Variants in PLA1A observed in about 807,000 individuals in gnomAD.
The protein encoded by PLA1A is phospholipase A1 member A, also known as phosphatidylserine-specific phospholipase A1alpha.
In PLA1A, 47 loss-of-function variants were observed where a neutral mutation model predicts 49.4. The ratio of observed to expected loss-of-function variants is 0.95; its 90% CI spans 0.75 to 1.21. The LOEUF is 1.21. Among genes scored for constraint, PLA1A ranks in the 50% most tolerant of loss-of-function variants. The pLI is 0.00. For synonymous variants in PLA1A, 224 were observed against 207.9 expected (o/e 1.08, Z -0.67); for missense variants, 561 against 563.9 (o/e 0.99, Z 0.05).
At chr3:119,601,188 AT>A (rs1275858601) in intron 1 of PLA1A, among the ~76,000 whole-genome samples, 1 of 152,234 alleles carries the variant, frequency 6.6e-6, no homozygotes, top group Non-Finnish European at 1.5e-5. Context: ...TTTTAGCAAA[AT>A]AACACTTCTA....
intron 1 of PLA1A, among the ~76,000 whole-genome samples, chr3:119,601,090 T>A (rs1283190973): frequency 6.6e-6 from 1 of 152,248 alleles, no homozygotes; most frequent in African/African-American, 2.4e-5. Flanking sequence ...CCACATTTGA[T>A]AACAAAGTGT....
chr3:119,607,289 C>T (rs1251745750), intron 2 of PLA1A, among the ~76,000 whole-genome samples: 1 of 152,210 alleles, frequency 6.6e-6, no homozygotes, highest in Non-Finnish European at 1.5e-5. Context: ...TTCACTTCTT[C>T]CTTGGTTTTA....
intron 1 of PLA1A, among the ~76,000 whole-genome samples, chr3:119,604,117 C>A (rs531080285): frequency 4.6e-5 from 7 of 152,124 alleles, no homozygotes; most frequent in Non-Finnish European, 8.8e-5. Flanking sequence ...CCATACATTC[C>A]TTAAAAGGTT....
intron 4 of PLA1A, among the ~76,000 whole-genome samples, chr3:119,610,585 G>A (rs546767583): frequency 6.6e-6 from 1 of 152,258 alleles, no homozygotes; most frequent in East Asian, 1.9e-4. Context: ...TTTTTCAAAT[G>A]TTTGTTAGCC....
intron 5 of PLA1A, among the ~76,000 whole-genome samples, chr3:119,614,928 C>A (rs559298794): frequency 1.3e-5 from 2 of 151,924 alleles, no homozygotes; most frequent in Non-Finnish European, 2.9e-5. Context: ...AGTAGGGGTC[C>A]GGGTGAGAGA....
intron 5 of PLA1A, 134 bp from the exon 6 acceptor site, chr3:119,615,878 T>A (rs2082840760): frequency 1.6e-6 from 1 of 636,580 alleles, no homozygotes; most frequent in Non-Finnish European, 2.9e-6. Flanking sequence ...GTCTGAGGGC[T>A]CATCCTGTGA....
intron 5 of PLA1A, 90 bp downstream of exon 5, chr3:119,613,208 A>G: frequency 1.3e-6 from 1 of 798,594 alleles, no homozygotes; most frequent in Non-Finnish European, 2.1e-6. Context: ...CTGGGCAGAG[A>G]TGCCCTGACC....
At chr3:119,608,283 A>AGAAAG (rs1491245647) in intron 2 of PLA1A, among the ~76,000 whole-genome samples, 1 of 151,304 alleles carries the variant, frequency 6.6e-6, no homozygotes, top group Non-Finnish European at 1.5e-5. Flanking sequence ...AAAGAAAGAA[A>AGAAAG]GAAAGAAAGA....
intron 9 of PLA1A, among the ~76,000 whole-genome samples, chr3:119,627,780 C>A (rs2052563797): frequency 6.6e-6 from 1 of 152,326 alleles, no homozygotes; most frequent in Admixed American, 6.5e-5. Flanking sequence ...CTCCTTGATC[C>A]CCCACTCACC....
In PLA1A at chr3:119,609,526, T is replaced by C. The variant is rs763712636; in HGVS notation, c.512T>C (p.Val171Ala). The C allele has an allele frequency of 4.9e-5, 79 of 1,613,042 alleles. No individual in the cohort carries two copies. Among genetic ancestry groups the C allele is most frequent in the Middle Eastern group, 3.3e-4 (2 of 6,080 alleles). Reference protein sequence around the residue: ...HIIGVSLGAHVGGMVGQLFGG... With the variant: ...HIIGVSLGAHAGGMVGQLFGG... ...ATTGGTGTTAGCCTGGGGGCCCACG[T>C]TGGGGGCATGGTGGGACAGCTCTTC... The change falls in exon 4 of 11, where the codon GTT becomes GCT. Residue 171 changes from valine to alanine, a missense_variant. Val to Ala is a moderately conservative substitution (Grantham distance 64). Transcript: ENST00000273371.
At chr3:119,607,842 C>T (rs112154238) in intron 2 of PLA1A, among the ~76,000 whole-genome samples, 3,889 of 152,272 alleles carry the variant, frequency 0.026, 169 homozygotes, top group African/African-American at 0.089. Context: ...TCTGTCTGCT[C>T]TTAAATCCCA....
chr3:119,609,724 G>T, intron 4 of PLA1A, 148 bp downstream of exon 4: 1 of 505,918 alleles, frequency 2.0e-6, no homozygotes, highest in Non-Finnish European at 3.5e-6. Context: ...ATTTATTGTG[G>T]TTCTTTTGCA....
intron 5 of PLA1A, among the ~76,000 whole-genome samples, chr3:119,614,639 T>G (rs187200605): frequency 0.01 from 1,535 of 151,786 alleles, 11 homozygotes; most frequent in South Asian, 0.04. Context: ...AGTGAATCCT[T>G]TCTATCCTTA....
At chr3:119,617,299 G>A (rs943409602) in intron 6 of PLA1A, among the ~76,000 whole-genome samples, 6 of 152,206 alleles carry the variant, frequency 3.9e-5, no homozygotes, top group Admixed American at 1.3e-4. Flanking sequence ...TCACTGCTGG[G>A]TAGGGTATAA....
chr3:119,610,240 G>A (rs950980043), intron 4 of PLA1A, among the ~76,000 whole-genome samples: 2 of 152,102 alleles, frequency 1.3e-5, no homozygotes, highest in Non-Finnish European at 2.9e-5. Flanking sequence ...TGGCACCTGG[G>A]TTGATTCCAA....
At chr3:119,622,091 A>AAGAAGAAGAAGAAGGAGAAGG (rs1553793996) in intron 8 of PLA1A, among the ~76,000 whole-genome samples, 10 of 68,400 alleles carry the variant, frequency 1.5e-4, no homozygotes, top group African/African-American at 4.1e-4. Context: ...CTGAAGAAAG[A>AAGAAGAAGAAGAAGGAGAAGG]AGAAGAAGAA....
intron 4 of PLA1A, among the ~76,000 whole-genome samples, chr3:119,610,258 C>T (rs1005068844): frequency 2.0e-5 from 3 of 152,130 alleles, no homozygotes; most frequent in Admixed American, 1.3e-4. Context: ...CAAGTCTTTG[C>T]TATTGTGAAT....
chr3:119,599,722 T>G (rs1156229934), intron 1 of PLA1A, among the ~76,000 whole-genome samples: 2 of 152,174 alleles, frequency 1.3e-5, no homozygotes, highest in East Asian at 3.8e-4. Context: ...TAATAACATG[T>G]TAGCAGGGCC....
chr3:119,622,210 G>GAA (rs879630122), intron 8 of PLA1A, among the ~76,000 whole-genome samples: 3,771 of 37,012 alleles, frequency 0.1, 193 homozygotes, highest in African/African-American at 0.3. Flanking sequence ...AGAAGAAGAA[G>GAA]GAGACAGAAT....
Sources: gnomAD v4.1 joint callset for allele counts (sites outside exome capture counted in the v4.1 genomes callset) on GRCh38, gnomAD v4.1.1 for gene constraint, MANE v1.5 for transcripts, NCBI Gene and HGNC (gene_info 2026-07-23, HGNC 2026-07-21) for gene names.